HAVCR2: variants seen among roughly 807,000 people sequenced by gnomAD.
HAVCR2 encodes the protein hepatitis A virus cellular receptor 2.
Under a neutral mutation model 24.7 loss-of-function variants are expected in HAVCR2, and 13 were observed. The ratio of observed to expected loss-of-function variants is 0.53; its 90% CI spans 0.34 to 0.84. The LOEUF is 0.84. Among genes scored for constraint, HAVCR2 ranks in the 40% least tolerant of loss-of-function variants. The probability of loss-of-function intolerance (pLI) is 0.01; values close to 1 mark genes in which losing one functional copy is unlikely to be tolerated. For synonymous variants in HAVCR2, 154 were observed against 143.4 expected, an observed-to-expected ratio of 1.07 and a Z score of -0.53; for missense variants, 343 against 371.2, an observed-to-expected ratio of 0.92 and a Z score of 0.62.
In HAVCR2 at chr5:157,106,460, T is replaced by C. The variant is rs145087953; in HGVS notation, c.394+167A>G. 1,062 of 619,188 alleles carry C rather than the reference T, an allele frequency of 1.7e-3. 9 individuals are homozygous for C. The highest frequency in any genetic ancestry group is 9.3e-3 in the East Asian group (337 of 36,274). 38.4% of individuals were successfully genotyped at this position (619,188 alleles called of 1,614,324 possible). On this transcript the variant is annotated intron_variant, in intron 2 of 6. Coordinates refer to ENST00000307851, the MANE Select transcript of HAVCR2 (RefSeq NM_032782.5). ...CATGAGTTTTAAAACAGAGAGAAGG[T>C]GTTAAATATCACTGAGCATCACCAA...
chr5:157,091,992 C>T (rs531764535), intron 5 of HAVCR2, among the ~76,000 whole-genome samples: 2 of 152,212 alleles, frequency 1.3e-5, no homozygotes, highest in Admixed American at 6.6e-5. Context: ...GGAAATGAAA[C>T]AGGCCTTTCT....
chr5:157,099,029 T>A, intron 3 of HAVCR2, 128 bp from the exon 4 acceptor site: 1 of 780,602 alleles, frequency 1.3e-6, no homozygotes, highest in South Asian at 2.3e-5. Context: ...TGAATTCTAC[T>A]CCGTACTTGT....
In HAVCR2 at chr5:157,098,865, T is replaced by C. The variant is rs763127709; in HGVS notation, c.515A>G (p.Asn172Ser). The change falls in exon 4 of 7, where the codon AAT (asparagine) becomes AGT (serine). Residue 172 changes from asparagine (N) to serine (S), a missense_variant. Transcript: ENST00000307851. Reference protein sequence around the residue: ...TQTLGSLPDINLTQISTLANE... With the variant: ...TQTLGSLPDISLTQISTLANE... ...ACAAAAAAAGTTACTTACTGTTAGATTTATATCAGGGAGGCTCCCCAGTGT... is the reference window on the plus strand; with the variant it reads ...ACAAAAAAAGTTACTTACTGTTAGACTTATATCAGGGAGGCTCCCCAGTGT... 18 of 1,613,142 alleles carry C rather than the reference T, an allele frequency of 1.1e-5. No individual in the cohort carries two copies. The East Asian group carries it at 4.0e-4, about 36-fold the overall frequency.
intron 5 of HAVCR2, among the ~76,000 whole-genome samples, chr5:157,089,460 C>T (rs1173413644): frequency 2.0e-5 from 3 of 150,688 alleles, no homozygotes; most frequent in Admixed American, 1.3e-4. Context: ...CACATGAACC[C>T]GGGAGACGGA....
chr5:157,086,119 C>T lies in HAVCR2; in HGVS notation c.*983G>A, dbSNP rs1756909025. ...GAAGTTGGTCAGAGATATTTTCTTTCAAGCACACAACAAGCAAAACTTGGC... is the reference window on the plus strand; with the variant it reads ...GAAGTTGGTCAGAGATATTTTCTTTTAAGCACACAACAAGCAAAACTTGGC... On this transcript the variant is annotated 3_prime_UTR_variant, in exon 7 of 7. Transcript: ENST00000307851. 1 of 150,450 alleles carries T rather than the reference C, an allele frequency of 6.6e-6. No individual in the cohort carries two copies. Among genetic ancestry groups the T allele is most frequent in the African/African-American group, 2.5e-5 (1 of 39,890 alleles). The allele number at this position is 150,450 out of a possible 1,614,324, so 9.3% of individuals were successfully genotyped here. A position where few individuals can be genotyped will look rare whatever the true frequency, so the allele number is the denominator to read the frequency against.
intron 3 of HAVCR2, among the ~76,000 whole-genome samples, chr5:157,099,714 G>A (rs1005623378): frequency 5.3e-5 from 8 of 150,156 alleles, no homozygotes; most frequent in South Asian, 2.1e-4. Context: ...TTCTTTTTGC[G>A]AGACAGAATC....
At chr5:157,092,653 T>G (rs1757021302) in intron 5 of HAVCR2, among the ~76,000 whole-genome samples, 1 of 151,034 alleles carries the variant, frequency 6.6e-6, no homozygotes, top group Non-Finnish European at 1.5e-5. Context: ...TCCACGTTGG[T>G]CAGGCTGGTC....
At position 157,106,727 on chromosome 5, in the gene HAVCR2, C is replaced by G. The variant is rs1757257160; in HGVS notation, c.294G>C (p.Glu98Asp). 6.2e-7 allele frequency: 1 copy of G among 1,614,130 alleles called. No homozygotes were observed. The highest frequency in any genetic ancestry group is 1.3e-5 in the African/African-American group (1 of 74,948). ...FRKGDVSLTI[E>D]NVTLADSGIY... ...TCCCACTGTCTGCTAGAGTCACATT[C>G]TCTATGGTCAGGGACACATCTCCTT... Residue 98 changes from glutamate (E) to aspartate (D), a missense_variant, in exon 2 of 7, where the codon GAG becomes GAC. By Grantham distance (45) the Glu-to-Asp change is conservative (BLOSUM62 2). Transcript: ENST00000307851.
rs867568020 is a variant in HAVCR2 at position 157,094,338 on chromosome 5, C to T, written c.676+968G>A. Among the ~76,000 whole-genome samples, 7 of 151,902 alleles carry T rather than the reference C, an allele frequency of 4.6e-5. No individual in the cohort carries two copies. The South Asian group carries it at 8.3e-4, about 18-fold the overall frequency. The stretch of plus-strand genomic sequence containing the variant: ...GAAAATACAGGCATGAGCCACTGCA[C>T]CTGGCCATTGTATTTATTTATTTAT... On this transcript the variant is annotated intron_variant, in intron 5 of 6. Coordinates refer to ENST00000307851, the MANE Select transcript of HAVCR2 (RefSeq NM_032782.5).
chr5:157,096,055 G>A (rs1044267225), intron 4 of HAVCR2, among the ~76,000 whole-genome samples: 2 of 151,034 alleles, frequency 1.3e-5, no homozygotes, highest in South Asian at 2.1e-4. Context: ...GTGAAACCCC[G>A]TCTCTACTAA....
chr5:157,104,823 G>C, intron 2 of HAVCR2, 74 bp from the exon 3 acceptor site: 1 of 1,081,742 alleles, frequency 9.2e-7, no homozygotes, highest in Non-Finnish European at 1.4e-6. Context: ...CAAAGGGGCA[G>C]CAAGAAAAAA....
rs543249643 is a variant in HAVCR2, at chr5:157,089,547, AAAC to A, written c.677-573_677-571del. Among the ~76,000 whole-genome samples, 558 of 152,096 alleles carry A rather than the reference AAAC, an allele frequency of 3.7e-3. 3 individuals are homozygous for A. Among genetic ancestry groups the A allele is most frequent in the Non-Finnish European group, 7.1e-3 (485 of 67,972 alleles). ...GCGAAACTCCGTCTCAAAAAAAAAAAAACAACAACAAAAAGGAAATAGTAAATA... is the reference window on the plus strand; with the variant it reads ...GCGAAACTCCGTCTCAAAAAAAAAAAAACAACAAAAAGGAAATAGTAAATA... On this transcript the variant is annotated intron_variant, in intron 5 of 6. Coordinates refer to ENST00000307851, the MANE Select transcript of HAVCR2 (RefSeq NM_032782.5).
At chr5:157,096,641 G>T (rs560663438) in intron 4 of HAVCR2, among the ~76,000 whole-genome samples, 56 of 152,174 alleles carry the variant, frequency 3.7e-4, no homozygotes, top group African/African-American at 1.3e-3. Context: ...GCCAGGTGTG[G>T]TGGCGGGCAC....
chr5:157,107,037 A>G (rs903812600), intron 1 of HAVCR2, 75 bp from the exon 2 acceptor site: 151 of 1,218,750 alleles, frequency 1.2e-4, no homozygotes, highest in Non-Finnish European at 1.7e-4. Flanking sequence ...ACTGCAAGCC[A>G]TGTCTTACAG....
At chr5:157,107,004 T>G in intron 1 of HAVCR2, 42 bp from the exon 2 acceptor site, 1 of 1,518,092 alleles carries the variant, frequency 6.6e-7, no homozygotes, top group Non-Finnish European at 9.0e-7. Flanking sequence ...AAGCGGTGAG[T>G]GAGGTTACTC....
intron 5 of HAVCR2, 79 bp downstream of exon 5, chr5:157,095,227 T>C (rs761934322): frequency 4.0e-6 from 6 of 1,491,906 alleles, no homozygotes; most frequent in Non-Finnish European, 3.7e-6. Context: ...TAAACATGAA[T>C]TTGCATTTCT....
At chr5:157,107,007 G>C (rs1757263385) in intron 1 of HAVCR2, 45 bp from the exon 2 acceptor site, 2 of 1,497,274 alleles carry the variant, frequency 1.3e-6, no homozygotes, top group Middle Eastern at 1.8e-4. Flanking sequence ...CGGTGAGTGA[G>C]GTTACTCCAT....
chr5:157,107,078 T>C (rs934639132), intron 1 of HAVCR2, 116 bp from the exon 2 acceptor site: 2 of 800,620 alleles, frequency 2.5e-6, no homozygotes, highest in Non-Finnish European at 3.9e-6. Context: ...TGCAGTCCTG[T>C]TTGGAGGATG....
intron 5 of HAVCR2, among the ~76,000 whole-genome samples, chr5:157,091,007 C>T (rs1184144007): frequency 2.0e-5 from 3 of 152,070 alleles, no homozygotes; most frequent in African/African-American, 7.2e-5. Context: ...CCATACCCAG[C>T]CCTAAGGAAT....
Sources: allele counts gnomAD v4.1 joint callset (sites outside exome capture counted in the v4.1 genomes callset), GRCh38; gene constraint gnomAD v4.1.1; transcripts MANE v1.5; gene names NCBI Gene and HGNC (gene_info 2026-07-23, HGNC 2026-07-21).